The following MEX3D variants were observed in gnomAD, a reference collection of about 807,000 sequenced individuals.
MEX3D encodes the protein RNA-binding protein MEX3D.
A neutral mutation model predicts 6.3 loss-of-function variants in MEX3D; 4 were observed. That is an observed-to-expected ratio of 0.64 (90% CI 0.31 to 1.46). MEX3D has a LOEUF of 1.46. Among genes scored for constraint, MEX3D ranks in the 40% most tolerant of loss-of-function variants. The pLI is 0.07. For missense variants in MEX3D, 1,038 were observed against 994.4 expected (o/e 1.04, Z -0.59); for synonymous variants, 626 against 494.1 (o/e 1.27, Z -3.54).
chr19:1,561,922 C>T (rs1350613992), intron 1 of MEX3D, among the ~76,000 whole-genome samples: 1 of 151,996 alleles, frequency 6.6e-6, no homozygotes, highest in Non-Finnish European at 1.5e-5. Flanking sequence ...GCTAGGATTA[C>T]AGGTGTGAGC....
chr19:1,567,351 G>C lies in MEX3D; in HGVS notation c.595+113C>G. On this transcript the variant is annotated intron_variant, in intron 1 of 1. Coordinates refer to ENST00000402693, the MANE Select transcript of MEX3D (RefSeq NM_203304.4). The surrounding 1 kb of genome is among the most constrained non-coding windows in gnomAD (Gnocchi z 6.5). ...GCCGAGGCCGGAGCCCACGCGGGGC[G>C]TGTCCGGTGCGGGGCGTCCGGCGCG... 2 of 1,217,018 alleles carry C rather than the reference G, an allele frequency of 1.6e-6. No homozygotes were observed. The highest frequency in any genetic ancestry group is 2.1e-6 in the Non-Finnish European group (2 of 942,836). 75.4% of individuals were successfully genotyped at this position (1,217,018 alleles called of 1,614,324 possible). A position where few individuals can be genotyped will look rare whatever the true frequency, so the allele number is the denominator to read the frequency against.
chr19:1,562,924 G>T (rs1046946882), intron 1 of MEX3D, among the ~76,000 whole-genome samples: 8 of 151,734 alleles, frequency 5.3e-5, no homozygotes, highest in African/African-American at 1.9e-4. Flanking sequence ...AGGCTGAGGT[G>T]AAAGAACTGC....
rs961833804 is a variant in MEX3D, at chr19:1,555,943, C to G, written c.1576G>C (p.Glu526Gln). Residue 526 changes from glutamate to glutamine, a missense_variant, in exon 2 of 2, where the codon GAG (glutamate) becomes CAG (glutamine). By Grantham distance (29) the Glu-to-Gln change is conservative. Transcript: ENST00000402693. ...GCGCCACGGCGAGACAGCGGGAGCT[C>G]CAGGCGGAGGCCGCCGGGCTCGGGC... ...TLPEPGGLRLELPLSRRGAPD... is the reference protein window; with the variant it reads ...TLPEPGGLRLQLPLSRRGAPD... 26 of 1,179,136 alleles carry G rather than the reference C, an allele frequency of 2.2e-5. No homozygotes were observed. The highest frequency in any genetic ancestry group is 2.1e-4 in the African/African-American group (13 of 61,106). 73.0% of individuals were successfully genotyped at this position (1,179,136 alleles called of 1,614,324 possible). A position where few individuals can be genotyped will look rare whatever the true frequency, so the allele number is the denominator to read the frequency against.
At chr19:1,566,149 G>T (rs1007517236) in intron 1 of MEX3D, among the ~76,000 whole-genome samples, 1 of 152,138 alleles carries the variant, frequency 6.6e-6, no homozygotes, top group Admixed American at 6.5e-5. Context: ...AGGATGGTAG[G>T]GCGCCCTCCT....
rs767487019 is a variant in MEX3D, at chr19:1,556,833, C to T, written c.686G>A (p.Arg229Gln). ...CTTGGCCATCTCCACGTCCTCCTTC[C>T]GGCCGGTCACGATGAAGACCGGCTC... ...GEEPVFIVTG[R>Q]KEDVEMAKRE... The change falls in exon 2 of 2, where the codon CGG becomes CAG. Residue 229 changes from arginine (R) to glutamine (Q), a missense_variant. Coordinates refer to ENST00000402693, the MANE Select transcript of MEX3D (RefSeq NM_203304.4). The surrounding 1 kb of genome is among the most constrained non-coding windows in gnomAD (Gnocchi z 7.5). 1.1e-5 allele frequency: 18 copies of T among 1,612,516 alleles called. No individual in the cohort carries two copies. The highest frequency in any genetic ancestry group is 1.4e-5 in the Non-Finnish European group (16 of 1,179,830).
Position 1,555,689 on chromosome 19 carries a change from A to T in MEX3D, c.1830T>A (p.Ala610=). 6.4e-7 allele frequency: 1 copy of T among 1,570,114 alleles called. No individual in the cohort carries two copies. The part of the protein sequence containing the change: ...CVVCAEGEVM[A]ALVPCGHNLF... ...GGTTGTGGCCGCAGGGGACCAGCGC[A>T]GCCATCACCTCGCCCTCGGCGCACA... The change falls in exon 2 of 2, where the codon GCT becomes GCA. Residue 610 remains alanine (A), a synonymous_variant. Coordinates refer to ENST00000402693, the MANE Select transcript of MEX3D (RefSeq NM_203304.4).
Position 1,556,767 on chromosome 19 carries a change from C to A in MEX3D, c.752G>T (p.Arg251Leu), listed in dbSNP as rs1484763595. The change falls in exon 2 of 2, where the codon CGC (arginine) becomes CTC (leucine). Residue 251 changes from arginine to leucine, a missense_variant. This residue lies in a region of MEX3D where 52 missense variants were observed against 37.4 expected (regional missense o/e 1.39). Transcript: ENST00000402693. The surrounding 1 kb of genome is among the most constrained non-coding windows in gnomAD (Gnocchi z 7.5). ...LSAAEHFSII[R>L]ATRSKAGGLP... ...ACCCCCGGCCTTGCTGCGCGTGGCGCGGATGATGGAGAAGTGTTCGGCCGC... is the reference window on the plus strand; with the variant it reads ...ACCCCCGGCCTTGCTGCGCGTGGCGAGGATGATGGAGAAGTGTTCGGCCGC... The A allele has an allele frequency of 1.9e-6, 3 of 1,612,368 alleles. No homozygotes were observed. The Admixed American group carries it at 5.0e-5, about 27-fold the overall frequency.
chr19:1,560,621 G>A (rs1244486988), intron 1 of MEX3D, among the ~76,000 whole-genome samples: 2 of 151,928 alleles, frequency 1.3e-5, no homozygotes, highest in Admixed American at 1.3e-4. Context: ...GGGGGCGTGT[G>A]ACTGTCTGAG....
At chr19:1,557,200 G>A (rs1914596425) in intron 1 of MEX3D, among the ~76,000 whole-genome samples, 1 of 152,288 alleles carries the variant, frequency 6.6e-6, no homozygotes, top group East Asian at 1.9e-4. Flanking sequence ...GCAGTGTGAC[G>A]GCTGGGGTGT....
chr19:1,555,294 C>G lies in MEX3D; in HGVS notation c.*269G>C, dbSNP rs745681196. 1.2e-5 allele frequency: 19 copies of G among 1,567,094 alleles called. No individual in the cohort carries two copies. Among genetic ancestry groups the G allele is most frequent in the Admixed American group, 5.2e-5 (3 of 57,506 alleles). Reference sequence around the variant, plus strand: ...ATAAGAAAACTAAAAAAAGTGCAAGCGGACCTTTTCTCTCCGGTTTATTGT... The same window carrying G: ...ATAAGAAAACTAAAAAAAGTGCAAGGGGACCTTTTCTCTCCGGTTTATTGT... On this transcript the variant is annotated 3_prime_UTR_variant, in exon 2 of 2. Transcript: ENST00000402693.
chr19:1,565,316 C>T (rs934086496), intron 1 of MEX3D, among the ~76,000 whole-genome samples: 8 of 152,020 alleles, frequency 5.3e-5, no homozygotes, highest in Non-Finnish European at 1.0e-4. Flanking sequence ...TGGAGGTGGG[C>T]GGATCACTTG....
At chr19:1,565,001 TG>T (rs1456980450) in intron 1 of MEX3D, among the ~76,000 whole-genome samples, 1 of 152,284 alleles carries the variant, frequency 6.6e-6, no homozygotes, top group South Asian at 2.1e-4. Context: ...CTACTGAAGC[TG>T]CCAACCTGTC....
chr19:1,563,208 G>A (rs1175849930), intron 1 of MEX3D, among the ~76,000 whole-genome samples: 1 of 152,144 alleles, frequency 6.6e-6, no homozygotes, highest in Admixed American at 6.5e-5. Context: ...CCCAGCTGTC[G>A]GGAAAACCTG....
rs771997208 is a variant in MEX3D at position 1,567,628 on chromosome 19, GGGGGCGACGGCC to G, written c.419_430del (p.Arg140_Pro143del). ...GGGCGCGAAGCCCGCGAACACGTCG[GGGGGCGACGGCC>G]GGGGCGGCGGCGGCGGCGGGGGACT... On this transcript the variant is annotated inframe_deletion, in exon 1 of 2. Transcript: ENST00000402693. The surrounding 1 kb of genome is among the most constrained non-coding windows in gnomAD (Gnocchi z 6.5). The G allele has an allele frequency of 4.7e-6, 6 of 1,288,742 alleles. No homozygotes were observed. The South Asian group carries it at 7.5e-5, about 16-fold the overall frequency. 79.8% of individuals were successfully genotyped at this position (1,288,742 alleles called of 1,614,324 possible).
intron 1 of MEX3D, among the ~76,000 whole-genome samples, chr19:1,563,995 G>A (rs1241584794): frequency 6.6e-6 from 1 of 151,132 alleles, no homozygotes; most frequent in African/African-American, 2.4e-5. Context: ...TTTTTGTAGA[G>A]ACAGGGTTTC....
chr19:1,561,476 C>T (rs976266945), intron 1 of MEX3D, among the ~76,000 whole-genome samples: 6 of 152,156 alleles, frequency 3.9e-5, no homozygotes, highest in Non-Finnish European at 5.9e-5. Flanking sequence ...TGGAAGCCAG[C>T]GGGAGCTGAG....
At position 1,555,267 on chromosome 19, in the gene MEX3D, A is replaced by T. The variant is rs974243194; in HGVS notation, c.*296T>A. ...CACCCTGGAGGGGAGGGGTGTCTAA[A>T]AATAAGAAAACTAAAAAAAGTGCAA... On this transcript the variant is annotated 3_prime_UTR_variant, in exon 2 of 2. Coordinates refer to ENST00000402693, the MANE Select transcript of MEX3D (RefSeq NM_203304.4). The T allele has an allele frequency of 2.7e-6, 4 of 1,506,994 alleles. No homozygotes were observed. The African/African-American group carries it at 5.6e-5, about 21-fold the overall frequency. The allele number at this position is 1,506,994 out of a possible 1,614,324, so 93.4% of individuals were successfully genotyped here.
In MEX3D at chr19:1,567,841, C is replaced by T. The variant is rs949929678; in HGVS notation, c.218G>A (p.Gly73Asp). The change falls in exon 1 of 2, where the codon GGC becomes GAC. Residue 73 changes from glycine to aspartate, a missense_variant. By Grantham distance (94) the Gly-to-Asp change is moderately conservative (BLOSUM62 -1). Around this residue, in one of 5 missense-constraint regions of MEX3D, gnomAD observed 265 missense variants for 206.3 expected, o/e 1.28. Transcript: ENST00000402693. The surrounding 1 kb of genome is among the most constrained non-coding windows in gnomAD (Gnocchi z 6.5). ...LDQLSALGLG[G>D]AGDTDEEGAA... The stretch of plus-strand genomic sequence containing the variant: ...CCCCTCCTCGTCCGTGTCGCCAGCG[C>T]CCCCCAGCCCGAGCGCCGACAGCTG... 1.2e-5 allele frequency: 12 copies of T among 1,001,024 alleles called. No individual in the cohort carries two copies. Among genetic ancestry groups the T allele is most frequent in the Admixed American group, 5.6e-5 (1 of 17,748 alleles). 62.0% of individuals were successfully genotyped at this position (1,001,024 alleles called of 1,614,324 possible). A position where few individuals can be genotyped will look rare whatever the true frequency, so the allele number is the denominator to read the frequency against.
Position 1,567,652 on chromosome 19 carries a change from G to A in MEX3D, c.407C>T (p.Pro136Leu). The A allele has an allele frequency of 6.5e-6, 8 of 1,224,164 alleles. No homozygotes were observed. The highest frequency in any genetic ancestry group is 8.2e-6 in the Non-Finnish European group (8 of 975,926). 75.8% of individuals were successfully genotyped at this position (1,224,164 alleles called of 1,614,324 possible). Residue 136 changes from proline (P) to leucine (L), a missense_variant, in exon 1 of 2, where the codon CCG (proline) becomes CTG (leucine). Coordinates refer to ENST00000402693, the MANE Select transcript of MEX3D (RefSeq NM_203304.4). The surrounding 1 kb of genome is among the most constrained non-coding windows in gnomAD (Gnocchi z 6.5). Reference sequence around the variant, plus strand: ...GGGGGGCGACGGCCGGGGCGGCGGCGGCGGCGGGGGACTCGCGTTGGGGTC... The same window carrying A: ...GGGGGGCGACGGCCGGGGCGGCGGCAGCGGCGGGGGACTCGCGTTGGGGTC... Reference protein sequence around the residue: ...LLDPNASPPPPPPPRPSPPDV... With the variant: ...LLDPNASPPPLPPPRPSPPDV...
Sources: allele counts gnomAD v4.1 joint callset (sites outside exome capture counted in the v4.1 genomes callset), GRCh38; gene constraint gnomAD v4.1.1; regional missense constraint gnomAD v4.1.1; non-coding constraint Gnocchi (gnomAD v3.1); transcripts MANE v1.5; gene names NCBI Gene and HGNC (gene_info 2026-07-23, HGNC 2026-07-21).